The following PADI1 variants were observed in gnomAD, a reference collection of about 807,000 sequenced individuals.
PADI1 encodes protein-arginine deiminase type-1.
In PADI1, 65 loss-of-function variants were observed where a neutral mutation model predicts 74.8. The ratio of observed to expected loss-of-function variants is 0.87; its 90% CI spans 0.71 to 1.07. The LOEUF (loss-of-function observed/expected upper bound fraction) is 1.07, where lower values mean the gene tolerates loss of function less well. PADI1 is among the 50% of genes least tolerant of loss of function. The pLI, the probability that PADI1 is intolerant of heterozygous loss-of-function variation, is 0.00. For synonymous variants in PADI1, 371 were observed against 336.2 expected (o/e 1.10, Z -1.13); for missense variants, 943 against 854.0 (o/e 1.10, Z -1.30).
At chr1:17,230,359 C>T (rs2072453994) in intron 9 of PADI1, 151 bp downstream of exon 9, 3 of 973,840 alleles carry the variant, frequency 3.1e-6, no homozygotes, top group East Asian at 2.6e-5. Context: ...CTGCATCAGC[C>T]CCAGCCTCCA....
At position 17,240,713 on chromosome 1, in the gene PADI1, C is replaced by A. The variant is rs778642947; in HGVS notation, c.1711C>A (p.Leu571Ile). 7.4e-6 allele frequency: 12 copies of A among 1,614,032 alleles called. No homozygotes were observed. Among genetic ancestry groups the A allele is most frequent in the Non-Finnish European group, 1.0e-5 (12 of 1,179,984 alleles). The stretch of plus-strand genomic sequence containing the variant: ...GAGTGACATCGTGGACATTCCCCAG[C>A]TCTTCTTCCTGAAAAACTTCTACGC... ...AESDIVDIPQ[L>I]FFLKNFYAEA... is the part of the protein sequence containing the mutation. The change falls in exon 15 of 16, where the codon CTC becomes ATC. Residue 571 changes from leucine (L) to isoleucine (I), a missense_variant. Coordinates refer to ENST00000375471, the MANE Select transcript of PADI1 (RefSeq NM_013358.3).
intron 1 of PADI1, among the ~76,000 whole-genome samples, chr1:17,206,687 T>TTC (rs1191605159): frequency 1.5e-3 from 198 of 129,342 alleles, no homozygotes; most frequent in African/African-American, 5.8e-3. Context: ...CTTTTTCTTT[T>TTC]TTTTTTTTTT....
In PADI1 at chr1:17,244,224, G is replaced by A; in HGVS notation, c.1973G>A (p.Trp658Ter). 6.2e-7 allele frequency: 1 copy of A among 1,613,718 alleles called. No homozygotes were observed. The highest frequency in any genetic ancestry group is 2.2e-5 in the East Asian group (1 of 44,872). The change falls in exon 16 of 16, where the codon TGG (tryptophan) becomes TAG (stop). Residue 658 changes from tryptophan (W) to a stop codon, truncating the protein, a stop_gained. Transcript: ENST00000375471. LOFTEE classifies it high-confidence loss of function. Reference sequence around the variant, plus strand: ...CGCAGGAAGCCCTTTCCCTTCAAATGGTGGAACATGGTGCCCTGAGCCTGC... The same window carrying A: ...CGCAGGAAGCCCTTTCCCTTCAAATAGTGGAACATGGTGCCCTGAGCCTGC... The part of the protein sequence containing the change: ...NVRRKPFPFK[W>*]WNMVP
chr1:17,238,790 A>T (rs1479895010), intron 13 of PADI1, 81 bp downstream of exon 13: 1 of 633,004 alleles, frequency 1.6e-6, no homozygotes, highest in Non-Finnish European at 2.5e-6. Context: ...GCACCTGCAG[A>T]TCTCTCAGCT....
At chr1:17,212,904 T>C (rs970569641) in intron 1 of PADI1, among the ~76,000 whole-genome samples, 1 of 152,226 alleles carries the variant, frequency 6.6e-6, no homozygotes, top group Admixed American at 6.5e-5. Context: ...GGGCTGTGGC[T>C]TTCCTGCCTT....
intron 11 of PADI1, among the ~76,000 whole-genome samples, chr1:17,234,877 GA>G (rs1266958819): frequency 6.6e-6 from 1 of 152,122 alleles, no homozygotes; most frequent in African/African-American, 2.4e-5. Flanking sequence ...GCTTCTTTGC[GA>G]GGCCAAGGTG....
At chr1:17,215,040 T>C (rs1233244831) in intron 1 of PADI1, among the ~76,000 whole-genome samples, 1 of 152,096 alleles carries the variant, frequency 6.6e-6, no homozygotes. Flanking sequence ...GGGAACCAAG[T>C]CTTGAAGGCA....
At position 17,237,309 on chromosome 1, in the gene PADI1, G is replaced by A; in HGVS notation, c.1314-5G>A. 6.2e-7 allele frequency: 1 copy of A among 1,604,904 alleles called. No homozygotes were observed. On this transcript the variant is annotated splice_region_variant and splice_polypyrimidine_tract_variant and intron_variant, in intron 11 of 15. Coordinates refer to ENST00000375471, the MANE Select transcript of PADI1 (RefSeq NM_013358.3). ...GTGACTGCCCGCCCTCTCCCTCCTG[G>A]CCAGGTCCGGTGGGCGGCAGATGGC...
intron 11 of PADI1, 134 bp downstream of exon 11, chr1:17,233,104 A>T (rs3750295): frequency 0.096 from 80,377 of 833,204 alleles, 4,405 homozygotes; most frequent in Non-Finnish European, 0.12. Flanking sequence ...TCCTGGAATC[A>T]AAGACTCGGC....
At chr1:17,240,900 C>A (rs1169460008) in intron 15 of PADI1, 140 bp downstream of exon 15, 2 of 1,015,440 alleles carry the variant, frequency 2.0e-6, no homozygotes, top group Non-Finnish European at 2.9e-6. Context: ...ATATAGAGAA[C>A]ATTCCCATCA....
intron 4 of PADI1, 82 bp from the exon 5 acceptor site, chr1:17,225,728 GC>G: frequency 1.1e-6 from 1 of 873,652 alleles, no homozygotes. Context: ...ATCTAATAAA[GC>G]AGCCCGCCCT....
chr1:17,240,673 G>C lies in PADI1; in HGVS notation c.1671G>C (p.Glu557Asp), dbSNP rs750874530. ...IDWNRNVLKR[E>D]LGLAESDIVD... ...GGAACCGTAATGTGCTGAAGCGGGA[G>C]CTGGGCCTGGCAGAGAGTGACATCG... Residue 557 changes from glutamate (E) to aspartate (D), a missense_variant, in exon 15 of 16, where the codon GAG (glutamate) becomes GAC (aspartate). Transcript: ENST00000375471. 1.2e-6 allele frequency: 2 copies of C among 1,614,188 alleles called. No homozygotes were observed. The highest frequency in any genetic ancestry group is 1.1e-5 in the South Asian group (1 of 91,084).
intron 11 of PADI1, among the ~76,000 whole-genome samples, chr1:17,235,231 GAGGGAGGGAGGGAGAGTGGGAGGGAGGA>G (rs2072605000): frequency 1.9e-5 from 2 of 103,466 alleles, no homozygotes; most frequent in African/African-American, 7.7e-5. Context: ...GGAAGGAAGG[GAGGGAGGGAGGGAGAGTGGGAGGGAGGA>G]AGGGAAGGAA....
chr1:17,245,557 C>T lies in PADI1; in HGVS notation c.*1314C>T, dbSNP rs1188116689. ...TTCGGTCCATCTAGGTTTTCAGTGG[C>T]CCCTGCTGAGACCTCACACTGAGCC... On this transcript the variant is annotated 3_prime_UTR_variant, in exon 16 of 16. Coordinates refer to ENST00000375471, the MANE Select transcript of PADI1 (RefSeq NM_013358.3). The surrounding 1 kb of genome is among the most constrained non-coding windows in gnomAD (Gnocchi z 4.1). 1 of 152,248 alleles carries T rather than the reference C, an allele frequency of 6.6e-6. No homozygotes were observed. Among genetic ancestry groups the T allele is most frequent in the African/African-American group, 2.4e-5 (1 of 41,448 alleles). 9.4% of individuals were successfully genotyped at this position (152,248 alleles called of 1,614,324 possible).
intron 1 of PADI1, among the ~76,000 whole-genome samples, 167 bp downstream of exon 1, chr1:17,205,476 A>T (rs2100374940): frequency 6.6e-6 from 1 of 152,236 alleles, no homozygotes; most frequent in South Asian, 2.1e-4. Context: ...ACTAGGGTCT[A>T]GTCAGGTCCT....
At chr1:17,226,903 T>C (rs1184202356) in intron 6 of PADI1, among the ~76,000 whole-genome samples, 4 of 151,894 alleles carry the variant, frequency 2.6e-5, no homozygotes, top group Admixed American at 2.6e-4. Context: ...ACAAAAAAAT[T>C]AGCCAGGTGT....
chr1:17,238,783 C>A (rs527721445), intron 13 of PADI1, 74 bp downstream of exon 13: 17 of 671,560 alleles, frequency 2.5e-5, no homozygotes, highest in South Asian at 3.6e-5. Flanking sequence ...AGCCCCTGCA[C>A]CTGCAGATCT....
chr1:17,206,516 C>T (rs1419389165), intron 1 of PADI1, among the ~76,000 whole-genome samples: 1 of 152,070 alleles, frequency 6.6e-6, no homozygotes, highest in Admixed American at 6.6e-5. Flanking sequence ...TTGTCTCTTG[C>T]CCTGTTAACA....
chr1:17,213,184 C>CGGAG (rs56378950), intron 1 of PADI1, among the ~76,000 whole-genome samples: 121,129 of 152,042 alleles, frequency 0.8, 48,485 homozygotes, highest in East Asian at 0.96. Flanking sequence ...GGGACGTAAT[C>CGGAG]TCCTACCAGG....
Sources: gnomAD v4.1 joint callset for allele counts (sites outside exome capture counted in the v4.1 genomes callset) on GRCh38, gnomAD v4.1.1 for gene constraint, Gnocchi (gnomAD v3.1) non-coding constraint, MANE v1.5 for transcripts, NCBI Gene and HGNC (gene_info 2026-07-23, HGNC 2026-07-21) for gene names.